Variants in TMEFF1 observed in about 807,000 individuals in gnomAD.
TMEFF1 encodes the protein tomoregulin-1.
TMEFF1 carries 20 observed loss-of-function variants against 47.5 expected under a neutral mutation model. The observed-to-expected ratio is 0.42, with a 90% CI of 0.30 to 0.61. TMEFF1 has a LOEUF of 0.61. TMEFF1 is among the 20% of genes least tolerant of loss of function. The pLI is 0.19. For synonymous variants in TMEFF1, 162 were observed against 166.3 expected, an observed-to-expected ratio of 0.97 and a Z score of 0.20; for missense variants, 411 against 471.1, an observed-to-expected ratio of 0.87 and a Z score of 1.18.
In TMEFF1 at chr9:100,473,428, C is replaced by A. The variant is rs1837157276; in HGVS notation, c.-117C>A. ...GGCGGGGATGCTGACGGGCTGCTCC[C>A]CGGCTCAGCGGCGCGGCTGCTAGGA... On this transcript the variant is annotated 5_prime_UTR_variant, in exon 1 of 10. Transcript: ENST00000374879. The surrounding 1 kb of genome is among the most constrained non-coding windows in gnomAD (Gnocchi z 5.4). 3.8e-6 allele frequency: 3 copies of A among 792,926 alleles called. No individual in the cohort carries two copies. Among genetic ancestry groups the A allele is most frequent in the Non-Finnish European group, 5.0e-6 (3 of 594,738 alleles). 49.1% of individuals were successfully genotyped at this position (792,926 alleles called of 1,614,324 possible).
chr9:100,539,181 C>T lies in TMEFF1; in HGVS notation c.561-8563C>T, dbSNP rs560229144. On this transcript the variant is annotated intron_variant, in intron 5 of 9. Coordinates refer to ENST00000374879, the MANE Select transcript of TMEFF1 (RefSeq NM_003692.5). ...TCATCCTCCCAAAGTGCTGGGATTA[C>T]AGGCATGAACCTTTGAGCCTGGCCT... Among the ~76,000 whole-genome samples, 4 of 152,332 alleles carry T rather than the reference C, an allele frequency of 2.6e-5. No individual in the cohort carries two copies. In the South Asian group the frequency reaches 6.2e-4, roughly 24 times the overall value.
chr9:100,561,354 C>A lies in TMEFF1; in HGVS notation c.776-43C>A, dbSNP rs114653963. 2,503 of 1,589,210 alleles carry A rather than the reference C, an allele frequency of 1.6e-3. 36 individuals are homozygous for A. The African/African-American group carries it at 0.03, about 19-fold the overall frequency. On this transcript the variant is annotated intron_variant, in intron 7 of 9. Coordinates refer to ENST00000374879, the MANE Select transcript of TMEFF1 (RefSeq NM_003692.5). Reference sequence around the variant, plus strand: ...CATTTGAAAAGTCCTTATTTTTCAGCTTGCGTTTCATTGTTGAACGATCTG... The same window carrying A: ...CATTTGAAAAGTCCTTATTTTTCAGATTGCGTTTCATTGTTGAACGATCTG...
intron 6 of TMEFF1, among the ~76,000 whole-genome samples, chr9:100,548,841 G>A (rs180690324): frequency 6.6e-6 from 1 of 152,262 alleles, no homozygotes; most frequent in Non-Finnish European, 1.5e-5. Flanking sequence ...GGTAGGAGTT[G>A]AGTGTGGGCA....
chr9:100,549,723 T>C (rs1310657948), intron 6 of TMEFF1, among the ~76,000 whole-genome samples: 2 of 152,172 alleles, frequency 1.3e-5, no homozygotes, highest in Admixed American at 6.5e-5. Flanking sequence ...TAATCTGATA[T>C]TTCCAGGGTA....
At chr9:100,518,018 G>T (rs117499696) in intron 5 of TMEFF1, among the ~76,000 whole-genome samples, 663 of 152,084 alleles carry the variant, frequency 4.4e-3, no homozygotes, top group Non-Finnish European at 7.6e-3. Flanking sequence ...TTGATCAATT[G>T]GTCTGTTTTT....
intron 1 of TMEFF1, among the ~76,000 whole-genome samples, chr9:100,492,044 C>A (rs568232829): frequency 2.0e-5 from 3 of 152,118 alleles, no homozygotes; most frequent in Non-Finnish European, 4.4e-5. Context: ...TGCCACCACG[C>A]CCAGCTAATT....
chr9:100,514,328 AT>A (rs1384853352), intron 4 of TMEFF1, among the ~76,000 whole-genome samples: 11 of 150,798 alleles, frequency 7.3e-5, no homozygotes, highest in African/African-American at 1.5e-4. Flanking sequence ...AAAAAAAAAA[AT>A]GATTAAAGCT....
chr9:100,562,634 GTTTTGT>G (rs1564028317), intron 8 of TMEFF1, among the ~76,000 whole-genome samples: 22 of 29,466 alleles, frequency 7.5e-4, no homozygotes, highest in African/African-American at 4.2e-3. Flanking sequence ...TTTTTTGTTT[GTTTTGT>G]TTTGTTTTGT....
chr9:100,509,686 A>G (rs1365942090), intron 3 of TMEFF1, among the ~76,000 whole-genome samples: 1 of 151,812 alleles, frequency 6.6e-6, no homozygotes, highest in African/African-American at 2.4e-5. Flanking sequence ...AGGCAGGAGA[A>G]TGGCGTGAAC....
intron 1 of TMEFF1, among the ~76,000 whole-genome samples, chr9:100,494,558 A>G (rs1837617570): frequency 6.6e-6 from 1 of 152,112 alleles, no homozygotes; most frequent in Admixed American, 6.5e-5. Flanking sequence ...CTGGTCTGTC[A>G]TCTTTTGGCT....
chr9:100,504,821 TGTA>T (rs1169117370), intron 2 of TMEFF1, among the ~76,000 whole-genome samples: 1 of 152,230 alleles, frequency 6.6e-6, no homozygotes, highest in Non-Finnish European at 1.5e-5. Flanking sequence ...CACTTAAAGT[TGTA>T]GACTAATGCT....
intron 1 of TMEFF1, 143 bp from the exon 2 acceptor site, chr9:100,498,622 T>A: frequency 3.2e-6 from 2 of 619,542 alleles, no homozygotes; most frequent in Non-Finnish European, 5.3e-6. Flanking sequence ...TTTCTTTTTG[T>A]ATAGTTATGT....
intron 5 of TMEFF1, among the ~76,000 whole-genome samples, chr9:100,535,724 A>G (rs1257641591): frequency 6.6e-6 from 1 of 152,276 alleles, no homozygotes; most frequent in Non-Finnish European, 1.5e-5. Context: ...AGATTGTGCC[A>G]CTGCACTCCA....
intron 8 of TMEFF1, among the ~76,000 whole-genome samples, chr9:100,568,737 C>G (rs1839174432): frequency 6.6e-6 from 1 of 152,140 alleles, no homozygotes; most frequent in African/African-American, 2.4e-5. Flanking sequence ...CCCTCATGCT[C>G]TCTAGCTCTA....
At chr9:100,547,565 T>C (rs1205356919) in intron 5 of TMEFF1, among the ~76,000 whole-genome samples, 179 bp from the exon 6 acceptor site, 1 of 152,246 alleles carries the variant, frequency 6.6e-6, no homozygotes, top group Non-Finnish European at 1.5e-5. Context: ...AAATTATCTC[T>C]AAATCCTCAC....
chr9:100,551,525 C>T (rs550257539), intron 7 of TMEFF1, among the ~76,000 whole-genome samples: 1 of 152,304 alleles, frequency 6.6e-6, no homozygotes, highest in African/African-American at 2.4e-5. Flanking sequence ...GGCCATTTTT[C>T]AGTATTTGGA....
intron 5 of TMEFF1, chr9:100,518,530 G>A: frequency 1.0e-6 from 1 of 984,202 alleles, no homozygotes; most frequent in South Asian, 4.7e-5. Flanking sequence ...ACAGTGACAA[G>A]CAGCCAACGT....
rs1554685430 is a variant in TMEFF1 at position 100,519,676 on chromosome 9, T to TA, written c.560+2907dup. On this transcript the variant is annotated intron_variant, in intron 5 of 9. Transcript: ENST00000374879. ...TTTTTTTTTTTTTTTTTTTTTTTTT[T>TA]AACAAAAACACTGCCCTCTTCATCA... Among the ~76,000 whole-genome samples the TA allele has an allele frequency of 2.6e-3, 370 of 140,054 alleles. 8 individuals are homozygous for TA. Among genetic ancestry groups the TA allele is most frequent in the African/African-American group, 9.1e-3 (340 of 37,210 alleles). 91.9% of individuals were successfully genotyped at this position (140,054 alleles called of 152,430 possible). A position where few individuals can be genotyped will look rare whatever the true frequency, so the allele number is the denominator to read the frequency against.
At chr9:100,545,664 TTTC>T (rs1306383782) in intron 5 of TMEFF1, among the ~76,000 whole-genome samples, 4 of 152,222 alleles carry the variant, frequency 2.6e-5, no homozygotes, top group Non-Finnish European at 5.9e-5. Context: ...AAAATGGGAT[TTTC>T]TTTTCTATCA....
Sources: allele counts gnomAD v4.1 joint callset (sites outside exome capture counted in the v4.1 genomes callset), GRCh38; gene constraint gnomAD v4.1.1; non-coding constraint Gnocchi (gnomAD v3.1); transcripts MANE v1.5; gene names NCBI Gene and HGNC (gene_info 2026-07-23, HGNC 2026-07-21).